DYM: variants seen among roughly 807,000 people sequenced by gnomAD.
DYM encodes the protein dyggve-Melchior-Clausen syndrome protein.
Under a neutral mutation model 93.1 loss-of-function variants are expected in DYM, and 78 were observed. That is an observed-to-expected ratio of 0.84 (90% confidence interval 0.70 to 1.01). The LOEUF (loss-of-function observed/expected upper bound fraction) is 1.01. DYM is among the 50% of genes least tolerant of loss of function. DYM has a pLI of 0.00. For missense variants in DYM, 789 were observed against 845.0 expected (o/e 0.93, Z 0.82); for synonymous variants, 321 against 319.7 (o/e 1.00, Z -0.04).
chr18:49,225,457 T>C (rs1439529069), intron 13 of DYM, among the ~76,000 whole-genome samples: 1 of 152,092 alleles, frequency 6.6e-6, no homozygotes, highest in East Asian at 1.9e-4. Context: ...CTGGAAAATA[T>C]ATTGAAGGGA....
intron 11 of DYM, among the ~76,000 whole-genome samples, chr18:49,271,974 A>G (rs1312266347): frequency 2.0e-5 from 3 of 147,822 alleles, no homozygotes; most frequent in Non-Finnish European, 4.5e-5. Context: ...CCATTTTGAG[A>G]GAGTTTTTAA....
At chr18:49,335,812 C>CA (rs2063616511) in intron 6 of DYM, among the ~76,000 whole-genome samples, 3 of 147,208 alleles carry the variant, frequency 2.0e-5, no homozygotes, top group Admixed American at 2.0e-4. Context: ...CGTTTTCTGT[C>CA]TTTTTTTTTT....
chr18:49,127,072 T>C (rs2143915664), intron 15 of DYM, among the ~76,000 whole-genome samples: 1 of 152,326 alleles, frequency 6.6e-6, no homozygotes, highest in African/African-American at 2.4e-5. Context: ...GGCTCCTCAA[T>C]GGAGCAGCCA....
In DYM at chr18:49,275,726, T is replaced by A. The variant is rs565527418; in HGVS notation, c.1126-3423A>T. 9.9e-5 allele frequency among the ~76,000 whole-genome samples: 15 copies of A among 152,198 alleles called. No individual in the cohort carries two copies. In the South Asian group the frequency reaches 2.7e-3, roughly 27 times the overall value. On this transcript the variant is annotated intron_variant, in intron 10 of 17. Coordinates refer to ENST00000675505, the MANE Select transcript of DYM (RefSeq NM_001353214.3). ...ACCCTATCTCTATCTCTATTTTTTTTATGTTGCAATCAATGAATATGTGTT... is the reference window on the plus strand; with the variant it reads ...ACCCTATCTCTATCTCTATTTTTTTAATGTTGCAATCAATGAATATGTGTT...
chr18:49,100,493 G>A (rs564140579), intron 16 of DYM, among the ~76,000 whole-genome samples: 3 of 152,150 alleles, frequency 2.0e-5, no homozygotes, highest in South Asian at 2.1e-4. Context: ...ATTTCCACTG[G>A]GAGAGCTGCA....
intron 2 of DYM, among the ~76,000 whole-genome samples, chr18:49,416,708 T>C (rs2073030583): frequency 6.6e-6 from 1 of 152,244 alleles, no homozygotes; most frequent in South Asian, 2.1e-4. Flanking sequence ...AGATTTTGTT[T>C]TCCTGCCCTA....
intron 13 of DYM, among the ~76,000 whole-genome samples, chr18:49,244,175 G>A (rs2094109589): frequency 6.6e-6 from 1 of 152,028 alleles, no homozygotes; most frequent in South Asian, 2.1e-4. Flanking sequence ...TCATTTAGAG[G>A]GTATTTGCTA....
At chr18:49,269,498 A>C (rs894199374) in intron 11 of DYM, among the ~76,000 whole-genome samples, 1 of 152,124 alleles carries the variant, frequency 6.6e-6, no homozygotes, top group Non-Finnish European at 1.5e-5. Flanking sequence ...AGATAGCTGC[A>C]CTCCCACATT....
At chr18:49,400,609 G>A (rs1459435699) in intron 2 of DYM, among the ~76,000 whole-genome samples, 1 of 152,176 alleles carries the variant, frequency 6.6e-6, no homozygotes, top group Non-Finnish European at 1.5e-5. Context: ...AGCTCTGTTT[G>A]TTGCAGGATG....
At chr18:49,262,593 A>G (rs1250445753) in intron 11 of DYM, among the ~76,000 whole-genome samples, 1 of 152,214 alleles carries the variant, frequency 6.6e-6, no homozygotes, top group East Asian at 1.9e-4. Flanking sequence ...TTCACCAGGT[A>G]TGCCTGTCTG....
intron 14 of DYM, among the ~76,000 whole-genome samples, chr18:49,203,186 C>T (rs1282894349): frequency 2.1e-5 from 2 of 93,576 alleles, no homozygotes; most frequent in Admixed American, 9.7e-5. Context: ...GTTGGGGGGT[C>T]AGCCCCCCGC....
At chr18:49,416,011 A>ATT (rs2072947653) in intron 2 of DYM, among the ~76,000 whole-genome samples, 1 of 152,218 alleles carries the variant, frequency 6.6e-6, no homozygotes, top group South Asian at 2.1e-4. Flanking sequence ...TTAAAACAGC[A>ATT]GAACAATTAG....
At chr18:49,320,561 A>G (rs1245780447) in intron 8 of DYM, among the ~76,000 whole-genome samples, 5 of 152,128 alleles carry the variant, frequency 3.3e-5, no homozygotes, top group South Asian at 2.1e-4. Flanking sequence ...TGCAACTTTC[A>G]TCTCCCGGGT....
At chr18:49,337,943 T>C (rs2063794831) in intron 6 of DYM, among the ~76,000 whole-genome samples, 1 of 151,892 alleles carries the variant, frequency 6.6e-6, no homozygotes, top group Admixed American at 6.6e-5. Flanking sequence ...AAATTCAATA[T>C]CGATCAAACA....
At chr18:49,120,078 C>CAAAAAAAAA (rs71165367) in intron 15 of DYM, among the ~76,000 whole-genome samples, 24 of 55,146 alleles carry the variant, frequency 4.4e-4, no homozygotes, top group South Asian at 6.5e-4. Context: ...GATCCTGTCT[C>CAAAAAAAAA]AAAAAAAAAA....
Position 49,038,837 on chromosome 18 carries a change from A to G in DYM, c.*5218T>C, listed in dbSNP as rs2070799359. The stretch of plus-strand genomic sequence containing the variant: ...ATGCATACATGAGTTATCAAAGACT[A>G]ATATTAAATGAATTTTTACTCTCTT... On this transcript the variant is annotated 3_prime_UTR_variant, in exon 18 of 18. Transcript: ENST00000675505. Among the ~76,000 whole-genome samples the G allele has an allele frequency of 6.6e-6, 1 of 152,230 alleles. No homozygotes were observed. The highest frequency in any genetic ancestry group is 1.5e-5 in the Non-Finnish European group (1 of 68,040).
intron 6 of DYM, among the ~76,000 whole-genome samples, chr18:49,349,118 G>A (rs966181988): frequency 6.6e-6 from 1 of 152,110 alleles, no homozygotes; most frequent in African/African-American, 2.4e-5. Flanking sequence ...TGAGGCATGA[G>A]AATCGCTTGA....
At chr18:49,199,468 C>T (rs573003929) in intron 14 of DYM, among the ~76,000 whole-genome samples, 7 of 152,146 alleles carry the variant, frequency 4.6e-5, no homozygotes, top group South Asian at 2.1e-4. Flanking sequence ...CACTGACTAA[C>T]GCTGTAAATC....
chr18:49,389,249 A>C (rs2068943653), intron 3 of DYM, among the ~76,000 whole-genome samples: 1 of 152,194 alleles, frequency 6.6e-6, no homozygotes, highest in Non-Finnish European at 1.5e-5. Flanking sequence ...AAGTATTTTT[A>C]AACATGTAAC....
Sources: gnomAD v4.1 joint callset for allele counts (sites outside exome capture counted in the v4.1 genomes callset) on GRCh38, gnomAD v4.1.1 for gene constraint, MANE v1.5 for transcripts, NCBI Gene and HGNC (gene_info 2026-07-23, HGNC 2026-07-21) for gene names.